Variants in ADGRV1 observed in about 807,000 individuals in gnomAD.
ADGRV1 encodes G-protein coupled receptor 98.
In ADGRV1, 359 loss-of-function variants were observed where a neutral mutation model predicts 596.2. That is an observed-to-expected ratio of 0.60 (90% confidence interval 0.55 to 0.66). The LOEUF (loss-of-function observed/expected upper bound fraction) is 0.66, where lower values mean the gene tolerates loss of function less well. ADGRV1 is among the 30% of genes least tolerant of loss of function. ADGRV1 has a pLI of 0.00. For missense variants in ADGRV1, 7,274 were observed against 7,575.6 expected (o/e 0.96, Z 1.48); for synonymous variants, 2,681 against 2,679.2 (o/e 1.00, Z -0.02).
At chr5:91,031,323 C>T in intron 85 of ADGRV1, 1 of 1,347,074 alleles carries the variant, frequency 7.4e-7, no homozygotes, top group Non-Finnish European at 1.1e-6. Flanking sequence ...GCTGCACTTG[C>T]TAACAGATAC....
At chr5:91,086,522 A>T (rs889834865) in intron 86 of ADGRV1, among the ~76,000 whole-genome samples, 1 of 152,184 alleles carries the variant, frequency 6.6e-6, no homozygotes, top group African/African-American at 2.4e-5. Flanking sequence ...ACTGATCATC[A>T]GAATTGCTTA....
chr5:90,739,477 G>A (rs1214586315), intron 50 of ADGRV1, among the ~76,000 whole-genome samples: 1 of 152,164 alleles, frequency 6.6e-6, no homozygotes, highest in Non-Finnish European at 1.5e-5. Context: ...TGGGATTCTG[G>A]TTGGGTTAGT....
At chr5:91,007,903 C>G (rs758603212) in intron 85 of ADGRV1, among the ~76,000 whole-genome samples, 13 of 152,012 alleles carry the variant, frequency 8.6e-5, no homozygotes, top group Admixed American at 8.5e-4. Context: ...CTATTTTGCC[C>G]TTTGCTTTTT....
intron 85 of ADGRV1, among the ~76,000 whole-genome samples, chr5:90,996,459 G>A (rs911860715): frequency 6.6e-6 from 1 of 152,206 alleles, no homozygotes; most frequent in African/African-American, 2.4e-5. Flanking sequence ...TGAAGCCTGG[G>A]AGACTCCAAC....
chr5:91,115,311 TTATATC>T (rs1202970149), intron 87 of ADGRV1, among the ~76,000 whole-genome samples: 1 of 152,226 alleles, frequency 6.6e-6, no homozygotes, highest in African/African-American at 2.4e-5. Flanking sequence ...TTTCAACAAA[TTATATC>T]TAATAATTGT....
At chr5:90,727,005 TGCTA>T (rs1751882601) in intron 48 of ADGRV1, among the ~76,000 whole-genome samples, 2 of 152,236 alleles carry the variant, frequency 1.3e-5, no homozygotes, top group South Asian at 4.1e-4. Flanking sequence ...GTTACTTCAG[TGCTA>T]GCTTTCATCT....
At chr5:91,121,383 C>T (rs1219513684) in intron 87 of ADGRV1, among the ~76,000 whole-genome samples, 1 of 152,084 alleles carries the variant, frequency 6.6e-6, no homozygotes, top group Non-Finnish European at 1.5e-5. Context: ...TTCACCACAA[C>T]CAGAAGCCGT....
At chr5:91,045,778 A>G (rs1029963129) in intron 85 of ADGRV1, among the ~76,000 whole-genome samples, 1 of 152,150 alleles carries the variant, frequency 6.6e-6, no homozygotes, top group Non-Finnish European at 1.5e-5. Context: ...AAAACCCTAA[A>G]GACTCCTCCA....
chr5:90,817,699 G>T (rs976917901), intron 75 of ADGRV1, among the ~76,000 whole-genome samples: 19 of 152,196 alleles, frequency 1.2e-4, no homozygotes, highest in Non-Finnish European at 2.5e-4. Context: ...GTTTTTCTCA[G>T]GTTTGTCAAA....
intron 85 of ADGRV1, among the ~76,000 whole-genome samples, chr5:90,987,380 G>A (rs1484729593): frequency 6.8e-6 from 1 of 146,188 alleles, no homozygotes; most frequent in Admixed American, 7.1e-5. Context: ...TGCGGCAGGA[G>A]AATCACTTGA....
In ADGRV1 at chr5:90,694,200, T is replaced by C. The variant is rs761860911; in HGVS notation, c.7444T>C (p.Tyr2482His). ...PAVNNSDFWT[Y>H]RKNMTRVASL... The stretch of plus-strand genomic sequence containing the variant: ...TGTCAACAATTCAGACTTCTGGACC[T>C]ACAGGAAAAACATGACCAGGGTAGC... Residue 2482 changes from tyrosine to histidine, a missense_variant, in exon 33 of 90, where the codon TAC becomes CAC. Coordinates refer to ENST00000405460, the MANE Select transcript of ADGRV1 (RefSeq NM_032119.4). 2 of 1,613,876 alleles carry C rather than the reference T, an allele frequency of 1.2e-6. No individual in the cohort carries two copies. Among genetic ancestry groups the C allele is most frequent in the Non-Finnish European group, 1.7e-6 (2 of 1,179,852 alleles).
chr5:90,569,381 A>AT (rs1756162585), intron 1 of ADGRV1, among the ~76,000 whole-genome samples: 1 of 19,420 alleles, frequency 5.1e-5, no homozygotes, highest in Non-Finnish European at 8.1e-5. Context: ...ATATATATAT[A>AT]TATATATTTT....
intron 83 of ADGRV1, among the ~76,000 whole-genome samples, chr5:90,871,794 C>T (rs903703387): frequency 1.3e-5 from 2 of 151,926 alleles, no homozygotes; most frequent in Non-Finnish European, 2.9e-5. Flanking sequence ...AGATATGGAG[C>T]GTAGGGGGAA....
At chr5:90,875,321 A>G (rs2150517492) in intron 83 of ADGRV1, among the ~76,000 whole-genome samples, 1 of 152,364 alleles carries the variant, frequency 6.6e-6, no homozygotes, top group South Asian at 2.1e-4. Context: ...TGCAGAATTA[A>G]TTTTCCCAGA....
chr5:90,559,768 C>T (rs1324360337), intron 1 of ADGRV1, among the ~76,000 whole-genome samples: 1 of 152,118 alleles, frequency 6.6e-6, no homozygotes, highest in African/African-American at 2.4e-5. Flanking sequence ...TATACCTTAA[C>T]TCATACAGCA....
chr5:90,716,698 A>G lies in ADGRV1; in HGVS notation c.9416A>G (p.Tyr3139Cys), dbSNP rs1165211683. The G allele has an allele frequency of 2.5e-6, 4 of 1,612,610 alleles. No homozygotes were observed. The highest frequency in any genetic ancestry group is 2.7e-5 in the African/African-American group (2 of 74,914). Reference sequence around the variant, plus strand: ...AAAGATCTGACTCCTTCCAAAGGCTATATTGTTTTAGAAGAAGGTGTTCGA... The same window carrying G: ...AAAGATCTGACTCCTTCCAAAGGCTGTATTGTTTTAGAAGAAGGTGTTCGA... ...ESKDLTPSKGYIVLEEGVRFK... is the reference protein window; with the variant it reads ...ESKDLTPSKGCIVLEEGVRFK... The change falls in exon 43 of 90, where the codon TAT becomes TGT. Residue 3139 changes from tyrosine (Y) to cysteine (C), a missense_variant. This residue lies in a region of ADGRV1 where 3,643 missense variants were observed against 3,809.2 expected (regional missense o/e 0.96). Coordinates refer to ENST00000405460, the MANE Select transcript of ADGRV1 (RefSeq NM_032119.4).
intron 86 of ADGRV1, among the ~76,000 whole-genome samples, chr5:91,090,516 T>C (rs796596294): frequency 1.1e-4 from 17 of 152,132 alleles, no homozygotes; most frequent in African/African-American, 3.9e-4. Flanking sequence ...AAGTACTGCG[T>C]TTTAAGTTCC....
chr5:91,109,761 A>G (rs944330445), intron 87 of ADGRV1, among the ~76,000 whole-genome samples: 8 of 152,218 alleles, frequency 5.3e-5, no homozygotes, highest in African/African-American at 1.7e-4. Context: ...GGCCTGGGTC[A>G]TGAACAGCAT....
At chr5:90,871,451 C>G (rs935386976) in intron 83 of ADGRV1, among the ~76,000 whole-genome samples, 4 of 152,066 alleles carry the variant, frequency 2.6e-5, no homozygotes, top group Middle Eastern at 3.2e-3. Flanking sequence ...ACTAAAGATA[C>G]AAAAATAGTA....
Sources: allele counts gnomAD v4.1 joint callset (sites outside exome capture counted in the v4.1 genomes callset), GRCh38; gene constraint gnomAD v4.1.1; regional missense constraint gnomAD v4.1.1; transcripts MANE v1.5; gene names NCBI Gene and HGNC (gene_info 2026-07-23, HGNC 2026-07-21).